BRIP1: variants seen among roughly 807,000 people sequenced by gnomAD.
The protein encoded by BRIP1 is Fanconi anemia group J protein.
BRIP1 carries 88 observed loss-of-function variants against 119.7 expected under a neutral mutation model. The ratio of observed to expected loss-of-function variants is 0.74; its 90% CI spans 0.62 to 0.88. The LOEUF is 0.88. BRIP1 is among the 40% of genes least tolerant of loss of function. The pLI, the probability that BRIP1 is intolerant of heterozygous loss-of-function variation, is 0.00. For synonymous variants in BRIP1, 443 were observed against 496.5 expected, an observed-to-expected ratio of 0.89 and a Z score of 1.43; for missense variants, 1,259 against 1,455.4, an observed-to-expected ratio of 0.87 and a Z score of 2.20.
chr17:61,826,286 A>G (rs1249569436), intron 6 of BRIP1, among the ~76,000 whole-genome samples: 7 of 152,216 alleles, frequency 4.6e-5, no homozygotes, highest in Non-Finnish European at 8.8e-5. Context: ...AAAAACTATA[A>G]AAACCCTGGA....
At position 61,722,424 on chromosome 17, in the gene BRIP1, C is replaced by A. The variant is rs2061996557; in HGVS notation, c.2380-6361G>T. ...TATTAGATGATATGTTAATACCCTC[C>A]CTGGAAATTCAGCAATAAAGCACAT... On this transcript the variant is annotated intron_variant, in intron 16 of 19. Transcript: ENST00000259008. The surrounding 1 kb of genome is among the most constrained non-coding windows in gnomAD (Gnocchi z 4.6). Among the ~76,000 whole-genome samples, 1 of 152,096 alleles carries A rather than the reference C, an allele frequency of 6.6e-6. No homozygotes were observed. The highest frequency in any genetic ancestry group is 6.5e-5 in the Admixed American group (1 of 15,280).
rs79745691 is a variant in BRIP1 at position 61,788,130 on chromosome 17, C to G, written c.1474-3706G>C. ...TGGGCAAACCTGTAAAATAATTCAA[C>G]AAGGTGGTTAATAAGACAATTATAA... On this transcript the variant is annotated intron_variant, in intron 10 of 19. Transcript: ENST00000259008. Among the ~76,000 whole-genome samples the G allele has an allele frequency of 1.2e-3, 184 of 152,140 alleles. 9 individuals carry two copies. The East Asian group carries it at 0.027, about 23-fold the overall frequency.
chr17:61,704,640 T>C lies in BRIP1; in HGVS notation c.2493-11128A>G, dbSNP rs1040806488. Among the ~76,000 whole-genome samples, 3 of 152,198 alleles carry C rather than the reference T, an allele frequency of 2.0e-5. No individual in the cohort carries two copies. The highest frequency in any genetic ancestry group is 2.4e-5 in the African/African-American group (1 of 41,470). ...GAAGGCTTTTAACTATGAATTCTAT[T>C]TATTTGCTAGATAGCTATTCATGTT... On this transcript the variant is annotated intron_variant, in intron 17 of 19. Transcript: ENST00000259008. The surrounding 1 kb of genome is among the most constrained non-coding windows in gnomAD (Gnocchi z 5.7).
chr17:61,696,198 CTTT>C (rs56672402), intron 17 of BRIP1, among the ~76,000 whole-genome samples: 2,307 of 136,872 alleles, frequency 0.017, 19 homozygotes, highest in African/African-American at 0.033. Context: ...CTGTTTTATG[CTTT>C]TTTTTTTTTT....
intron 11 of BRIP1, among the ~76,000 whole-genome samples, chr17:61,782,512 C>T (rs2077639631): frequency 6.6e-6 from 1 of 151,800 alleles, no homozygotes; most frequent in African/African-American, 2.4e-5. Flanking sequence ...ATAAATTGGA[C>T]TTCAACAAGA....
Position 61,700,395 on chromosome 17 carries a change from A to G in BRIP1, c.2493-6883T>C, listed in dbSNP as rs1362147645. Among the ~76,000 whole-genome samples, 1 of 152,104 alleles carries G rather than the reference A, an allele frequency of 6.6e-6. No homozygotes were observed. Among genetic ancestry groups the G allele is most frequent in the Non-Finnish European group, 1.5e-5 (1 of 68,008 alleles). On this transcript the variant is annotated intron_variant, in intron 17 of 19. Transcript: ENST00000259008. This position sits in a 1 kb window ranked among gnomAD's most constrained non-coding sequence, Gnocchi z 4.1. Reference sequence around the variant, plus strand: ...CGTAGGACAAGTTTGCTACAGAGTAATTCTCTTGGTTTTTGTTTATTTGGG... The same window carrying G: ...CGTAGGACAAGTTTGCTACAGAGTAGTTCTCTTGGTTTTTGTTTATTTGGG...
rs1170522456 is a variant in BRIP1, at chr17:61,757,073, C to A, written c.2098-12482G>T. Reference sequence around the variant, plus strand: ...CTCATATGTTTTAAATGTTTACTTTCTTTTATTCAGTTGATATGTACCCAT... The same window carrying A: ...CTCATATGTTTTAAATGTTTACTTTATTTTATTCAGTTGATATGTACCCAT... On this transcript the variant is annotated intron_variant, in intron 14 of 19. Transcript: ENST00000259008. This position sits in a 1 kb window ranked among gnomAD's most constrained non-coding sequence, Gnocchi z 4.3. 6.6e-6 allele frequency among the ~76,000 whole-genome samples: 1 copy of A among 151,990 alleles called. No homozygotes were observed. Among genetic ancestry groups the A allele is most frequent in the Non-Finnish European group, 1.5e-5 (1 of 67,964 alleles).
intron 16 of BRIP1, among the ~76,000 whole-genome samples, chr17:61,727,119 T>G (rs717961): frequency 0.77 from 117,648 of 152,170 alleles, 46,101 homozygotes; most frequent in African/African-American, 0.84. Context: ...AGAGACCTAC[T>G]TCTACCTTAT....
In BRIP1 at chr17:61,717,863, C is replaced by T. The variant is rs1407221778; in HGVS notation, c.2380-1800G>A. On this transcript the variant is annotated intron_variant, in intron 16 of 19. Transcript: ENST00000259008. This position sits in a 1 kb window ranked among gnomAD's most constrained non-coding sequence, Gnocchi z 4.1. ...ACTGACCCTCTTTTTTTTCACTCTA[C>T]ACTTCATTTTGGATAATTTTTATTT... Among the ~76,000 whole-genome samples, 1 of 151,970 alleles carries T rather than the reference C, an allele frequency of 6.6e-6. No homozygotes were observed. The highest frequency in any genetic ancestry group is 1.9e-4 in the East Asian group (1 of 5,196).
chr17:61,711,933 A>G (rs375158955), intron 17 of BRIP1, among the ~76,000 whole-genome samples: 21 of 152,088 alleles, frequency 1.4e-4, no homozygotes, highest in African/African-American at 4.6e-4. Flanking sequence ...ACAGTGGGTG[A>G]CATGTTCTAG....
chr17:61,681,010 C>G lies in BRIP1; in HGVS notation c.*2286G>C, dbSNP rs960408969. Among the ~76,000 whole-genome samples, 15 of 152,100 alleles carry G rather than the reference C, an allele frequency of 9.9e-5. No homozygotes were observed. Among genetic ancestry groups the G allele is most frequent in the African/African-American group, 3.4e-4 (14 of 41,440 alleles). On this transcript the variant is annotated 3_prime_UTR_variant, in exon 20 of 20. Transcript: ENST00000259008. This position sits in a 1 kb window ranked among gnomAD's most constrained non-coding sequence, Gnocchi z 5.1. ...AACTTACAATCATGGCGGAAGGCAACTTTTCACAGGGCAGCAGGAGAGAAG... is the reference window on the plus strand; with the variant it reads ...AACTTACAATCATGGCGGAAGGCAAGTTTTCACAGGGCAGCAGGAGAGAAG...
At position 61,803,098 on chromosome 17, in the gene BRIP1, C is replaced by CTT. The variant is rs34014195; in HGVS notation, c.919-1626_919-1625dup. 2.7e-3 allele frequency among the ~76,000 whole-genome samples: 399 copies of CTT among 147,772 alleles called. 2 individuals are homozygous for CTT. Among genetic ancestry groups the CTT allele is most frequent in the African/African-American group, 6.4e-3 (257 of 40,354 alleles). On this transcript the variant is annotated intron_variant, in intron 7 of 19. Transcript: ENST00000259008. This position sits in a 1 kb window ranked among gnomAD's most constrained non-coding sequence, Gnocchi z 4.3. Reference sequence around the variant, plus strand: ...CTAATGCCCTTTGCCATTCTATTACCTTTTTTTTTTTCAGAGATGGGAGTC... The same window carrying CTT: ...CTAATGCCCTTTGCCATTCTATTACCTTTTTTTTTTTTTCAGAGATGGGAGTC...
chr17:61,749,167 T>G (rs1213827361), intron 14 of BRIP1, among the ~76,000 whole-genome samples: 3 of 151,224 alleles, frequency 2.0e-5, no homozygotes, highest in African/African-American at 7.3e-5. Flanking sequence ...TGCAAAACTC[T>G]TAGAAAAAAA....
Position 61,735,874 on chromosome 17 carries a change from C to G in BRIP1, c.2379+7139G>C, listed in dbSNP as rs1159407611. ...CAGTCCTACAACCACAAACGGACCCCAAGTGCCAGATAACAACACAACCTG... is the reference window on the plus strand; with the variant it reads ...CAGTCCTACAACCACAAACGGACCCGAAGTGCCAGATAACAACACAACCTG... On this transcript the variant is annotated intron_variant, in intron 16 of 19. Transcript: ENST00000259008. This position sits in a 1 kb window ranked among gnomAD's most constrained non-coding sequence, Gnocchi z 4.4. Among the ~76,000 whole-genome samples the G allele has an allele frequency of 6.6e-6, 1 of 152,120 alleles. No homozygotes were observed. The highest frequency in any genetic ancestry group is 6.5e-5 in the Admixed American group (1 of 15,280).
chr17:61,779,463 T>C (rs907924242), intron 13 of BRIP1, among the ~76,000 whole-genome samples: 7 of 151,708 alleles, frequency 4.6e-5, no homozygotes, highest in African/African-American at 1.7e-4. Flanking sequence ...CTACTAAAAA[T>C]ACAAAAATGT....
In BRIP1 at chr17:61,848,987, A is replaced by C. The variant is rs769201555; in HGVS notation, c.507+142T>G. 1 of 976,560 alleles carries C rather than the reference A, an allele frequency of 1.0e-6. No homozygotes were observed. The highest frequency in any genetic ancestry group is 1.6e-6 in the Non-Finnish European group (1 of 635,782). The allele number at this position is 976,560 out of a possible 1,614,324, so 60.5% of individuals were successfully genotyped here. ...ACTCCTTTGTAACAAGTAACTCTAC[A>C]AAATGAAATTACAACAAATTATTAA... On this transcript the variant is annotated intron_variant, in intron 5 of 19. Transcript: ENST00000259008. This position sits in a 1 kb window ranked among gnomAD's most constrained non-coding sequence, Gnocchi z 4.3.
In BRIP1 at chr17:61,716,066, A is replaced by T. The variant is rs587782542; in HGVS notation, c.2380-3T>A. The T allele has an allele frequency of 1.4e-5, 22 of 1,530,602 alleles. No individual in the cohort carries two copies. Among genetic ancestry groups the T allele is most frequent in the Non-Finnish European group, 1.9e-5 (21 of 1,119,402 alleles). 94.8% of individuals were successfully genotyped at this position (1,530,602 alleles called of 1,614,324 possible). A position where few individuals can be genotyped will look rare whatever the true frequency, so the allele number is the denominator to read the frequency against. On this transcript the variant is annotated splice_region_variant and splice_polypyrimidine_tract_variant and intron_variant, in intron 16 of 19. Coordinates refer to ENST00000259008, the MANE Select transcript of BRIP1 (RefSeq NM_032043.3). ...TTGTATTGTCGTTTTAGTTCAACCTAATAATTTTAAAATATATTTAAAAAA... is the reference window on the plus strand; with the variant it reads ...TTGTATTGTCGTTTTAGTTCAACCTTATAATTTTAAAATATATTTAAAAAA...
intron 16 of BRIP1, among the ~76,000 whole-genome samples, chr17:61,719,568 C>T (rs1436410244): frequency 1.3e-5 from 2 of 151,232 alleles, no homozygotes; most frequent in African/African-American, 2.4e-5. Flanking sequence ...ACTAAAAATA[C>T]AAAAAAATTA....
chr17:61,736,424 A>G lies in BRIP1; in HGVS notation c.2379+6589T>C, dbSNP rs751222304. Among the ~76,000 whole-genome samples, 6 of 152,210 alleles carry G rather than the reference A, an allele frequency of 3.9e-5. No homozygotes were observed. Among genetic ancestry groups the G allele is most frequent in the African/African-American group, 1.2e-4 (5 of 41,464 alleles). ...CTCCCTCCACTTATTATGTTCTACT[A>G]TGTATTAAATAAAGTGTAAGATGCT... On this transcript the variant is annotated intron_variant, in intron 16 of 19. Coordinates refer to ENST00000259008, the MANE Select transcript of BRIP1 (RefSeq NM_032043.3). The surrounding 1 kb of genome is among the most constrained non-coding windows in gnomAD (Gnocchi z 4.4).
Sources: gnomAD v4.1 joint callset for allele counts (sites outside exome capture counted in the v4.1 genomes callset) on GRCh38, gnomAD v4.1.1 for gene constraint, Gnocchi (gnomAD v3.1) non-coding constraint, MANE v1.5 for transcripts, NCBI Gene and HGNC (gene_info 2026-07-23, HGNC 2026-07-21) for gene names.